The following ZNF37A variants were observed in gnomAD, a reference collection of about 807,000 sequenced individuals.
The protein encoded by ZNF37A is zinc finger protein 37A.
Under a neutral mutation model 12.3 loss-of-function variants are expected in ZNF37A, and 10 were observed. The ratio of observed to expected loss-of-function variants is 0.82; its 90% CI spans 0.50 to 1.38. The LOEUF is 1.38. Ranked by LOEUF, ZNF37A falls within the 40% of genes most tolerant of loss-of-function variation. The probability of loss-of-function intolerance (pLI) is 0.00; values close to 1 mark genes in which losing one functional copy is unlikely to be tolerated. For synonymous variants in ZNF37A, 207 were observed against 223.0 expected (o/e 0.93, Z 0.64); for missense variants, 580 against 651.2 (o/e 0.89, Z 1.19).
intron 5 of ZNF37A, among the ~76,000 whole-genome samples, chr10:38,102,029 G>A (rs1474142554): frequency 2.6e-5 from 4 of 151,784 alleles, no homozygotes; most frequent in African/African-American, 9.7e-5. Flanking sequence ...TAGAGACGGG[G>A]TTTCACGGTA....
In ZNF37A at chr10:38,095,526, C is replaced by T. The variant is rs1394245694; in HGVS notation, c.-197-12C>T. ...ACCCTCCATGCCTGGATTCGTTACT[C>T]GCTCGTTCTAGATGCTGAGCTGCTG... On this transcript the variant is annotated splice_polypyrimidine_tract_variant and intron_variant, in intron 2 of 7. Coordinates refer to ENST00000685332, the MANE Select transcript of ZNF37A (RefSeq NM_001324250.3). The T allele has an allele frequency of 3.3e-5, 5 of 152,262 alleles. No individual in the cohort carries two copies. The highest frequency in any genetic ancestry group is 7.3e-5 in the Non-Finnish European group (5 of 68,074). 9.4% of individuals were successfully genotyped at this position (152,262 alleles called of 1,614,324 possible).
chr10:38,131,842 T>C (rs1270622797), intron 7 of ZNF37A, among the ~76,000 whole-genome samples: 1 of 152,178 alleles, frequency 6.6e-6, no homozygotes, highest in African/African-American at 2.4e-5. Context: ...TATATAAGTT[T>C]TTAACCTCCT....
chr10:38,148,401 A>C (rs954248503), exon 8 of ZNF37A: 1 of 152,230 alleles, frequency 6.6e-6, no homozygotes, highest in Non-Finnish European at 1.5e-5. Context: ...ATGGGAACAG[A>C]GCCAAATGAA....
chr10:38,117,807 A>G lies in ZNF37A; in HGVS notation c.656A>G (p.Gln219Arg). 6.2e-7 allele frequency: 1 copy of G among 1,614,050 alleles called. No homozygotes were observed. Among genetic ancestry groups the G allele is most frequent in the South Asian group, 1.1e-5 (1 of 91,090 alleles). Residue 219 changes from glutamine (Q) to arginine (R), a missense_variant, in exon 8 of 8, where the codon CAG (glutamine) becomes CGG (arginine). Transcript: ENST00000685332. ...IFEESILLEH[Q>R]SVYPFSQKLN... ...GAGGAATCCATTCTCCTTGAACATC[A>G]GAGTGTTTACCCATTCAGCCAGAAG...
downstream of ZNF37A, chr10:38,125,218 T>C (rs140094907): frequency 6.6e-6 from 1 of 152,284 alleles, no homozygotes; most frequent in African/African-American, 2.4e-5. Context: ...TTAGATTTTG[T>C]TAAATTCAAA....
intron 5 of ZNF37A, among the ~76,000 whole-genome samples, chr10:38,101,831 T>C (rs981686987): frequency 6.7e-6 from 1 of 148,580 alleles, no homozygotes; most frequent in Admixed American, 6.7e-5. Context: ...TTCTTTTTTT[T>C]TTTTTTTTTG....
chr10:38,117,341 C>A (rs1423964995), intron 7 of ZNF37A, 49 bp from the exon 8 acceptor site: 1 of 1,526,610 alleles, frequency 6.6e-7, no homozygotes, highest in Non-Finnish European at 8.7e-7. Context: ...AAGTTTATTT[C>A]TCTTACATAT....
chr10:38,136,365 A>G (rs2070107608), intron 7 of ZNF37A, among the ~76,000 whole-genome samples: 1 of 152,078 alleles, frequency 6.6e-6, no homozygotes, highest in Non-Finnish European at 1.5e-5. Flanking sequence ...TGTTGGCCAC[A>G]CTGGTCTCTA....
intron 5 of ZNF37A, among the ~76,000 whole-genome samples, chr10:38,104,645 C>T (rs2135918375): frequency 6.6e-6 from 1 of 152,186 alleles, no homozygotes; most frequent in South Asian, 2.1e-4. Context: ...GCCATTTCTC[C>T]AAAGGACATT....
Position 38,121,741 on chromosome 10 carries a change from G to A in ZNF37A, c.*2904G>A, listed in dbSNP as rs1048078546. 4 of 152,192 alleles carry A rather than the reference G, an allele frequency of 2.6e-5. No homozygotes were observed. The highest frequency in any genetic ancestry group is 9.7e-5 in the African/African-American group (4 of 41,440). The allele number at this position is 152,192 out of a possible 1,614,324, so 9.4% of individuals were successfully genotyped here. Reference sequence around the variant, plus strand: ...TATAGGAACAAATAAATAAATTGTTGTGTGTGCACATATGCATATATTTTG... The same window carrying A: ...TATAGGAACAAATAAATAAATTGTTATGTGTGCACATATGCATATATTTTG... On this transcript the variant is annotated 3_prime_UTR_variant, in exon 8 of 8. Transcript: ENST00000685332.
chr10:38,100,938 C>T (rs576519533), intron 5 of ZNF37A, among the ~76,000 whole-genome samples: 8 of 152,318 alleles, frequency 5.3e-5, no homozygotes, highest in South Asian at 4.1e-4. Flanking sequence ...TCACAATCTA[C>T]GTTCTTCTGC....
intron 7 of ZNF37A, chr10:38,138,266 G>A (rs1341290302): frequency 1.3e-5 from 2 of 152,194 alleles, no homozygotes; most frequent in Non-Finnish European, 2.9e-5. Context: ...AAAGCAATGA[G>A]TGCCTTCTGG....
chr10:38,096,671 A>AAATGT (rs2067177875), intron 5 of ZNF37A, 39 bp downstream of exon 5: 3 of 1,600,978 alleles, frequency 1.9e-6, no homozygotes, highest in Non-Finnish European at 2.6e-6. Flanking sequence ...CTTAAAAGTA[A>AAATGT]TTATTGAGGT....
chr10:38,098,914 G>A lies in ZNF37A; in HGVS notation c.15+2282G>A, dbSNP rs181945674. On this transcript the variant is annotated intron_variant, in intron 5 of 7. Coordinates refer to ENST00000685332, the MANE Select transcript of ZNF37A (RefSeq NM_001324250.3). The stretch of plus-strand genomic sequence containing the variant: ...CAACTAATTTTTGAGTGTTGATCTT[G>A]TATCCTGTAATTTTGCTGAATTTGT... Among the ~76,000 whole-genome samples the A allele has an allele frequency of 9.5e-4, 140 of 146,986 alleles. No individual in the cohort carries two copies. In the Middle Eastern group the frequency reaches 0.011, roughly 11 times the overall value.
intron 7 of ZNF37A, among the ~76,000 whole-genome samples, chr10:38,135,977 A>G (rs942524621): frequency 6.6e-6 from 1 of 152,288 alleles, no homozygotes; most frequent in African/African-American, 2.4e-5. Context: ...ACTTTCTTTC[A>G]TTTTAACCTG....
intron 7 of ZNF37A, among the ~76,000 whole-genome samples, chr10:38,116,127 C>T (rs988049713): frequency 3.3e-5 from 5 of 152,018 alleles, no homozygotes; most frequent in Admixed American, 1.3e-4. Context: ...ACGATTTCAG[C>T]GTGAAGCCTG....
downstream of ZNF37A, among the ~76,000 whole-genome samples, chr10:38,126,320 A>G (rs1233483266): frequency 6.6e-6 from 1 of 152,028 alleles, no homozygotes; most frequent in Non-Finnish European, 1.5e-5. Context: ...CTGTTTTCCC[A>G]CAGGTGGTTA....
intron 7 of ZNF37A, chr10:38,140,105 G>A (rs989335110): frequency 1.3e-5 from 2 of 152,218 alleles, no homozygotes; most frequent in African/African-American, 4.8e-5. Flanking sequence ...TGCTATGGCT[G>A]TACTGGATCG....
At chr10:38,112,783 T>TATTGG (rs1564932429) in intron 5 of ZNF37A, among the ~76,000 whole-genome samples, 1 of 57,884 alleles carries the variant, frequency 1.7e-5, no homozygotes, top group African/African-American at 6.1e-5. Context: ...TTCTTTTCTT[T>TATTGG]TCTTTTCTTT....
Sources: gnomAD v4.1 joint callset for allele counts (sites outside exome capture counted in the v4.1 genomes callset) on GRCh38, gnomAD v4.1.1 for gene constraint, MANE v1.5 for transcripts, NCBI Gene and HGNC (gene_info 2026-07-23, HGNC 2026-07-21) for gene names.